The following HOOK3 variants were observed in gnomAD, a reference collection of about 807,000 sequenced individuals.
HOOK3 encodes hook microtubule tethering protein 3, also known as protein Hook homolog 3.
Under a neutral mutation model 116.3 loss-of-function variants are expected in HOOK3, and 24 were observed. The ratio of observed to expected loss-of-function variants is 0.21; its 90% CI spans 0.15 to 0.29. The LOEUF (loss-of-function observed/expected upper bound fraction) is 0.29, where lower values mean the gene tolerates loss of function less well. Among genes scored for constraint, HOOK3 ranks in the 10% least tolerant of loss-of-function variants. The probability of loss-of-function intolerance (pLI) is 1.00; values close to 1 mark genes in which losing one functional copy is unlikely to be tolerated. For missense variants in HOOK3, 632 were observed against 830.2 expected (o/e 0.76, Z 2.93); for synonymous variants, 275 against 283.0 (o/e 0.97, Z 0.28).
At chr8:42,914,264 T>C (rs1426365508) in intron 2 of HOOK3, among the ~76,000 whole-genome samples, 1 of 152,254 alleles carries the variant, frequency 6.6e-6, no homozygotes, top group Admixed American at 6.5e-5. Flanking sequence ...AGTACTCTTG[T>C]CTAAACTCTT....
chr8:42,911,007 C>T (rs1349477407), intron 2 of HOOK3, among the ~76,000 whole-genome samples: 2 of 152,100 alleles, frequency 1.3e-5, no homozygotes, highest in Non-Finnish European at 2.9e-5. Flanking sequence ...GAAGAGCTTA[C>T]TCAAAGGCCC....
intron 4 of HOOK3, among the ~76,000 whole-genome samples, chr8:42,941,517 CAAAA>C (rs960451235): frequency 2.3e-5 from 1 of 44,028 alleles, no homozygotes; most frequent in East Asian, 7.1e-4. Context: ...GACTCCGTCT[CAAAA>C]AAAAAAAAAA....
intron 15 of HOOK3, among the ~76,000 whole-genome samples, chr8:42,987,142 A>G (rs1392720868): frequency 6.6e-6 from 1 of 152,202 alleles, no homozygotes; most frequent in Non-Finnish European, 1.5e-5. Flanking sequence ...AGCTTGGGCA[A>G]TAGAGCAAAA....
intron 17 of HOOK3, among the ~76,000 whole-genome samples, chr8:43,007,053 G>C (rs1809506480): frequency 8.8e-6 from 1 of 113,584 alleles, no homozygotes; most frequent in Non-Finnish European, 1.7e-5. Context: ...TTGAGATGGA[G>C]TCTCACTCTG....
At chr8:43,008,288 G>C (rs562631179) in intron 18 of HOOK3, among the ~76,000 whole-genome samples, 2 of 152,062 alleles carry the variant, frequency 1.3e-5, no homozygotes, top group Non-Finnish European at 2.9e-5. Context: ...AAAGTGCTGA[G>C]ATTACAGACA....
At chr8:42,976,929 C>T (rs888066526) in intron 13 of HOOK3, among the ~76,000 whole-genome samples, 7 of 152,164 alleles carry the variant, frequency 4.6e-5, no homozygotes, top group African/African-American at 1.7e-4. Flanking sequence ...GTGTTAGAAT[C>T]ACCTGGGATG....
chr8:42,969,590 A>C (rs912152100), intron 11 of HOOK3, among the ~76,000 whole-genome samples: 1 of 152,222 alleles, frequency 6.6e-6, no homozygotes. Flanking sequence ...GCACCACTGC[A>C]TTCCAGCTTT....
At chr8:42,981,064 T>C (rs2130444233) in intron 13 of HOOK3, among the ~76,000 whole-genome samples, 1 of 151,176 alleles carries the variant, frequency 6.6e-6, no homozygotes, top group South Asian at 2.1e-4. Context: ...TTTTTTTTTT[T>C]TTTTTGAGAT....
At chr8:42,925,983 C>G (rs1346570710) in intron 3 of HOOK3, among the ~76,000 whole-genome samples, 1 of 152,108 alleles carries the variant, frequency 6.6e-6, no homozygotes, top group Non-Finnish European at 1.5e-5. Context: ...AATATTATGC[C>G]AAGTACTTAG....
chr8:42,999,152 A>G (rs576230404), intron 16 of HOOK3, among the ~76,000 whole-genome samples: 1 of 152,350 alleles, frequency 6.6e-6, no homozygotes, highest in South Asian at 2.1e-4. Flanking sequence ...GTTCTCTTAC[A>G]TTAAAACATA....
At chr8:42,929,531 T>C (rs1222940659) in intron 3 of HOOK3, among the ~76,000 whole-genome samples, 1 of 152,198 alleles carries the variant, frequency 6.6e-6, no homozygotes, top group Non-Finnish European at 1.5e-5. Flanking sequence ...AAAATTATAG[T>C]TTACAATAAA....
chr8:42,928,279 G>GA lies in HOOK3; in HGVS notation c.217-1832dup, dbSNP rs111464606. Among the ~76,000 whole-genome samples the GA allele has an allele frequency of 5.8e-3, 793 of 135,780 alleles. 10 individuals are homozygous for GA. Among genetic ancestry groups the GA allele is most frequent in the African/African-American group, 0.02 (722 of 36,802 alleles). 89.1% of individuals were successfully genotyped at this position (135,780 alleles called of 152,430 possible). On this transcript the variant is annotated intron_variant, in intron 3 of 21. Transcript: ENST00000307602. The stretch of plus-strand genomic sequence containing the variant: ...GGCGACAGAGCAAAACTCTGTCTCA[G>GA]AAAAAAAAAAAGAAAAACAAAATTA...
At chr8:42,961,909 C>G (rs1181561040) in intron 8 of HOOK3, among the ~76,000 whole-genome samples, 2 of 152,064 alleles carry the variant, frequency 1.3e-5, no homozygotes, top group Non-Finnish European at 2.9e-5. Flanking sequence ...ACCTCATCCT[C>G]CCGAGTAGCA....
chr8:42,991,912 C>A (rs936377661), intron 15 of HOOK3, among the ~76,000 whole-genome samples: 2 of 152,164 alleles, frequency 1.3e-5, no homozygotes, highest in African/African-American at 4.8e-5. Flanking sequence ...AATACTGATT[C>A]TTCTAATTCA....
intron 2 of HOOK3, among the ~76,000 whole-genome samples, chr8:42,915,485 G>GCC (rs2130340138): frequency 6.6e-6 from 1 of 152,284 alleles, no homozygotes; most frequent in South Asian, 2.1e-4. Context: ...AGGTCGGAGA[G>GCC]CAATGGTGCG....
intron 15 of HOOK3, among the ~76,000 whole-genome samples, chr8:42,987,715 A>T (rs1288976746): frequency 6.6e-6 from 1 of 152,208 alleles, no homozygotes; most frequent in African/African-American, 2.4e-5. Flanking sequence ...AAAGTCAGTC[A>T]CTTTAAAATC....
chr8:43,008,954 C>T (rs1021523401), intron 18 of HOOK3, among the ~76,000 whole-genome samples: 18 of 152,138 alleles, frequency 1.2e-4, no homozygotes, highest in South Asian at 2.1e-4. Context: ...CCACCGCGCC[C>T]GGCCTAAATT....
At chr8:42,972,694 T>C (rs1160526191) in intron 11 of HOOK3, among the ~76,000 whole-genome samples, 1 of 152,216 alleles carries the variant, frequency 6.6e-6, no homozygotes, top group African/African-American at 2.4e-5. Flanking sequence ...GCCACTGCAC[T>C]TAGCCCCCAA....
rs539874332 is a variant in HOOK3 at position 42,896,991 on chromosome 8, G to T, written c.-141G>T. 2.0e-3 allele frequency: 1,027 copies of T among 515,522 alleles called. 1 individual carries two copies. Among genetic ancestry groups the T allele is most frequent in the Non-Finnish European group, 2.8e-3 (932 of 333,960 alleles). The allele number at this position is 515,522 out of a possible 1,614,324, so 31.9% of individuals were successfully genotyped here. ...GGGTGACGGTGCGGAGCCGCTGCCA[G>T]CGCTGGGCGAGAGTCGGCGGCCGGA... is the stretch of plus-strand genomic sequence containing the variant. On this transcript the variant is annotated 5_prime_UTR_variant, in exon 1 of 22. Transcript: ENST00000307602.
Sources: gnomAD v4.1 joint callset for allele counts (sites outside exome capture counted in the v4.1 genomes callset) on GRCh38, gnomAD v4.1.1 for gene constraint, MANE v1.5 for transcripts, NCBI Gene and HGNC (gene_info 2026-07-23, HGNC 2026-07-21) for gene names.